The following SUSD5 variants were observed in gnomAD, a reference collection of about 807,000 sequenced individuals.
SUSD5 encodes the protein sushi domain-containing protein 5.
SUSD5 carries 33 observed loss-of-function variants against 29.5 expected under a neutral mutation model. That is an observed-to-expected ratio of 1.12 (90% CI 0.85 to 1.49). The LOEUF is 1.49. Ranked by LOEUF, SUSD5 falls within the 40% of genes most tolerant of loss-of-function variation. SUSD5 has a pLI of 0.00. For missense variants in SUSD5, 776 were observed against 800.6 expected (o/e 0.97, Z 0.37); for synonymous variants, 308 against 325.3 (o/e 0.95, Z 0.57).
At chr3:33,189,845 A>G (rs1282578851) in intron 3 of SUSD5, among the ~76,000 whole-genome samples, 1 of 152,206 alleles carries the variant, frequency 6.6e-6, no homozygotes, top group Non-Finnish European at 1.5e-5. Flanking sequence ...TGGTTCTGAG[A>G]CAATGAAGGA....
chr3:33,202,328 G>T (rs1167900539), intron 3 of SUSD5, among the ~76,000 whole-genome samples: 1 of 152,092 alleles, frequency 6.6e-6, no homozygotes, highest in East Asian at 1.9e-4. Flanking sequence ...GAGACACCAG[G>T]CCTTCTCCAG....
chr3:33,210,950 T>C (rs1250651627), intron 2 of SUSD5, among the ~76,000 whole-genome samples: 1 of 152,254 alleles, frequency 6.6e-6, no homozygotes, highest in Non-Finnish European at 1.5e-5. Context: ...CTTGGCTCAC[T>C]GCAACCTCTG....
chr3:33,163,993 C>G (rs561953591), intron 4 of SUSD5, among the ~76,000 whole-genome samples: 133 of 152,136 alleles, frequency 8.7e-4, no homozygotes, highest in Middle Eastern at 3.4e-3. Context: ...GAGCAAGACT[C>G]CGTCTCAAAA....
intron 4 of SUSD5, chr3:33,168,731 C>T: frequency 3.8e-6 from 1 of 264,442 alleles, no homozygotes; most frequent in African/African-American, 2.3e-5. Context: ...CTCACTGTAT[C>T]CTCCGCCTCC....
chr3:33,166,904 A>G (rs1346397489), intron 4 of SUSD5, among the ~76,000 whole-genome samples: 2 of 152,032 alleles, frequency 1.3e-5, no homozygotes, highest in African/African-American at 4.8e-5. Flanking sequence ...GAGCTTAAAT[A>G]TTGGTGGCAC....
At chr3:33,174,845 T>C (rs757765006) in intron 4 of SUSD5, 41 bp downstream of exon 4, 15 of 1,607,284 alleles carry the variant, frequency 9.3e-6, no homozygotes, top group Admixed American at 5.0e-5. Context: ...CAGCCAGCAC[T>C]GCGTGGGCAC....
intron 3 of SUSD5, among the ~76,000 whole-genome samples, chr3:33,192,811 T>C (rs1305470956): frequency 7.6e-6 from 1 of 131,078 alleles, no homozygotes; most frequent in Non-Finnish European, 1.7e-5. Context: ...AGTGAGACTC[T>C]GTCAAAAAAT....
intron 3 of SUSD5, among the ~76,000 whole-genome samples, chr3:33,189,021 T>C (rs1312222599): frequency 6.6e-6 from 1 of 152,196 alleles, no homozygotes; most frequent in Non-Finnish European, 1.5e-5. Context: ...TTCCAACTTG[T>C]AGGGATTCTA....
At chr3:33,158,869 T>C (rs73045363) in intron 4 of SUSD5, among the ~76,000 whole-genome samples, 20,605 of 152,200 alleles carry the variant, frequency 0.14, 1,655 homozygotes, top group South Asian at 0.24. Flanking sequence ...CAGCTATACC[T>C]TAAGGCCTCT....
chr3:33,203,234 A>T (rs555604971), intron 3 of SUSD5, among the ~76,000 whole-genome samples: 1 of 152,328 alleles, frequency 6.6e-6, no homozygotes, highest in African/African-American at 2.4e-5. Context: ...GGAGCCATTT[A>T]CATGCTCTTT....
intron 3 of SUSD5, among the ~76,000 whole-genome samples, chr3:33,189,052 T>C (rs1235576807): frequency 6.6e-6 from 1 of 152,220 alleles, no homozygotes; most frequent in Non-Finnish European, 1.5e-5. Context: ...AATATAGTAT[T>C]TGCAAGATGT....
rs566879763 is a variant in SUSD5 at position 33,176,661 on chromosome 3, T to C, written c.410-1587A>G. 1.9e-4 allele frequency among the ~76,000 whole-genome samples: 29 copies of C among 152,350 alleles called. 1 individual carries two copies. The South Asian group carries it at 5.8e-3, about 30-fold the overall frequency. ...TGCATCATGCCTTTAGTCTAAGAAG[T>C]CATTGCCATACCCAAGGTCATTTAG... On this transcript the variant is annotated intron_variant, in intron 3 of 4. Coordinates refer to ENST00000309558, the MANE Select transcript of SUSD5 (RefSeq NM_015551.2).
In SUSD5 at chr3:33,180,482, T is replaced by C. The variant is rs376142476; in HGVS notation, c.410-5408A>G. On this transcript the variant is annotated intron_variant, in intron 3 of 4. Coordinates refer to ENST00000309558, the MANE Select transcript of SUSD5 (RefSeq NM_015551.2). ...CTCAAGTGATCCTCTTGCCCCAGTT[T>C]CCTGAATAGCTGGGACTATAGGCAC... Among the ~76,000 whole-genome samples the C allele has an allele frequency of 5.9e-5, 9 of 152,204 alleles. No homozygotes were observed. The East Asian group carries it at 1.7e-3, about 29-fold the overall frequency.
rs762221052 is a variant in SUSD5 at position 33,153,789 on chromosome 3, T to C, written c.843A>G (p.Ala281=). The C allele has an allele frequency of 2.5e-6, 4 of 1,614,048 alleles. No individual in the cohort carries two copies. The highest frequency in any genetic ancestry group is 1.1e-5 in the South Asian group (1 of 91,088). ...GGAGCAGCCGTGATCCTGGTGAATC[T>C]GCGGGGACACTGCTCCCAGCACCAG... ...GLPGAGSSVP[A]DSPGSRLLQK... Residue 281 remains alanine, a synonymous_variant, in exon 5 of 5, where the codon GCA becomes GCG. Transcript: ENST00000309558.
chr3:33,153,346 T>C lies in SUSD5; in HGVS notation c.1286A>G (p.Glu429Gly), dbSNP rs200342582. The stretch of plus-strand genomic sequence containing the variant: ...AAGAACTGAACTATGGGTCATGCCC[T>C]CGCTTGGTGTGAGGGTGCTACTCTT... ...KPKSSTLTPS[E>G]GMTHSSVLPS... The change falls in exon 5 of 5, where the codon GAG becomes GGG. Residue 429 changes from glutamate to glycine, a missense_variant. Coordinates refer to ENST00000309558, the MANE Select transcript of SUSD5 (RefSeq NM_015551.2). 1.5e-5 allele frequency: 24 copies of C among 1,613,920 alleles called. No homozygotes were observed. The highest frequency in any genetic ancestry group is 2.0e-5 in the Non-Finnish European group (24 of 1,179,866).
intron 3 of SUSD5, among the ~76,000 whole-genome samples, chr3:33,187,371 T>G (rs2031798135): frequency 6.6e-6 from 1 of 152,194 alleles, no homozygotes; most frequent in Non-Finnish European, 1.5e-5. Context: ...AGAGTCTAGG[T>G]ACATACACCA....
intron 2 of SUSD5, among the ~76,000 whole-genome samples, chr3:33,209,116 A>G (rs1444341414): frequency 6.6e-6 from 1 of 152,226 alleles, no homozygotes; most frequent in South Asian, 2.1e-4. Flanking sequence ...ATTTTCTTTC[A>G]GTACCTTCAA....
intron 3 of SUSD5, among the ~76,000 whole-genome samples, chr3:33,206,424 T>A (rs1056191102): frequency 1.5e-5 from 2 of 129,536 alleles, no homozygotes; most frequent in South Asian, 2.3e-4. Flanking sequence ...TGTGTGTGTG[T>A]GTGTGTGTGT....
chr3:33,203,328 AG>A (rs67928357), intron 3 of SUSD5, among the ~76,000 whole-genome samples: 23,368 of 152,184 alleles, frequency 0.15, 2,025 homozygotes, highest in East Asian at 0.26. Flanking sequence ...GTTAAGCCCC[AG>A]GAGAACAGTC....
Sources: allele counts gnomAD v4.1 joint callset (sites outside exome capture counted in the v4.1 genomes callset), GRCh38; gene constraint gnomAD v4.1.1; transcripts MANE v1.5; gene names NCBI Gene and HGNC (gene_info 2026-07-23, HGNC 2026-07-21).